The following ATP1A2 variants were observed in gnomAD, a reference collection of about 807,000 sequenced individuals.
The protein encoded by ATP1A2 is ATPase Na+/K+ transporting subunit alpha 2.
A neutral mutation model predicts 113.1 loss-of-function variants in ATP1A2; 56 were observed. The observed-to-expected ratio is 0.49, with a 90% CI of 0.40 to 0.62. ATP1A2 has a LOEUF of 0.62. ATP1A2 is among the 20% of genes least tolerant of loss of function. The probability of loss-of-function intolerance (pLI) is 0.00; values close to 1 mark genes in which losing one functional copy is unlikely to be tolerated. For missense variants in ATP1A2, 712 were observed against 1,357.8 expected, an observed-to-expected ratio of 0.52 and a Z score of 7.47; for synonymous variants, 490 against 526.8, an observed-to-expected ratio of 0.93 and a Z score of 0.96.
rs1424311044 is a variant in ATP1A2 at position 160,142,057 on chromosome 1, CAA to C, written c.*737_*738del. On this transcript the variant is annotated 3_prime_UTR_variant, in exon 23 of 23. Coordinates refer to ENST00000361216, the MANE Select transcript of ATP1A2 (RefSeq NM_000702.4). ...ATTTTAGAATACCCCACCAGCAGAA[CAA>C]ACTCAGATCTCATCAGGGTAGCAGC... 6.5e-6 allele frequency: 1 copy of C among 153,694 alleles called. No homozygotes were observed. The highest frequency in any genetic ancestry group is 1.4e-5 in the Non-Finnish European group (1 of 69,068). 9.5% of individuals were successfully genotyped at this position (153,694 alleles called of 1,614,324 possible). A position where few individuals can be genotyped will look rare whatever the true frequency, so the allele number is the denominator to read the frequency against.
intron 1 of ATP1A2, among the ~76,000 whole-genome samples, chr1:160,117,971 G>C (rs769232182): frequency 5.9e-5 from 9 of 151,960 alleles, no homozygotes; most frequent in Non-Finnish European, 1.2e-4. Flanking sequence ...AGGTTGGGGG[G>C]GTCCTTGCTT....
chr1:160,120,440 C>T (rs1570982600), intron 1 of ATP1A2, among the ~76,000 whole-genome samples: 1 of 152,242 alleles, frequency 6.6e-6, no homozygotes, highest in East Asian at 1.9e-4. Context: ...GTATTTCTAC[C>T]CCTCTCTAAG....
At position 160,123,281 on chromosome 1, in the gene ATP1A2, C is replaced by G. The variant is rs537472446; in HGVS notation, c.246C>G (p.Pro82=). The change falls in exon 4 of 23, where the codon CCC becomes CCG. Residue 82 remains proline (P), a synonymous_variant. Coordinates refer to ENST00000361216, the MANE Select transcript of ATP1A2 (RefSeq NM_000702.4). ...RDGPNALTPP[P]TTPEWVKFCR... ...GGCCCAACGCCCTCACACCACCTCC[C>G]ACAACCCCTGAGTGGGTCAAGTTCT... The G allele has an allele frequency of 4.4e-4, 708 of 1,614,254 alleles. 11 individuals carry two copies. The South Asian group carries it at 7.4e-3, about 17-fold the overall frequency.
rs1346145108 is a variant in ATP1A2, at chr1:160,129,252, G to A, written c.1327-14G>A. On this transcript the variant is annotated splice_polypyrimidine_tract_variant and intron_variant, in intron 10 of 22. Coordinates refer to ENST00000361216, the MANE Select transcript of ATP1A2 (RefSeq NM_000702.4). ...CCTCCCATGCTGACACTGAATTCTTGTCTCTTCTGGCAGCGGGACACAGCT... is the reference window on the plus strand; with the variant it reads ...CCTCCCATGCTGACACTGAATTCTTATCTCTTCTGGCAGCGGGACACAGCT... 1.2e-6 allele frequency: 2 copies of A among 1,614,110 alleles called. No individual in the cohort carries two copies. Among genetic ancestry groups the A allele is most frequent in the East Asian group, 2.2e-5 (1 of 44,876 alleles).
In ATP1A2 at chr1:160,143,572, A is replaced by G. The variant is rs112598437; in HGVS notation, c.*2250A>G. ...ATGTACTTGAAAATAATAAAGTGGC[A>G]TTTCTTTATGAAAAAAAAAGAAATC... On this transcript the variant is annotated 3_prime_UTR_variant, in exon 23 of 23. Coordinates refer to ENST00000361216, the MANE Select transcript of ATP1A2 (RefSeq NM_000702.4). The G allele has an allele frequency of 6.6e-6, 1 of 152,434 alleles. No individual in the cohort carries two copies. 9.4% of individuals were successfully genotyped at this position (152,434 alleles called of 1,614,324 possible).
chr1:160,125,019 T>C (rs2101986630), intron 6 of ATP1A2, 117 bp from the exon 7 acceptor site: 1 of 828,532 alleles, frequency 1.2e-6, no homozygotes, highest in African/African-American at 1.7e-5. Context: ...TGAGGGCAAG[T>C]GTGACTTTGT....
intron 11 of ATP1A2, among the ~76,000 whole-genome samples, chr1:160,129,729 T>C (rs1278757356): frequency 6.6e-6 from 1 of 152,180 alleles, no homozygotes; most frequent in Non-Finnish European, 1.5e-5. Flanking sequence ...CCCCTTAGCC[T>C]TTAGGCACCT....
chr1:160,124,712 G>A (rs181583016), intron 6 of ATP1A2, among the ~76,000 whole-genome samples: 10 of 152,276 alleles, frequency 6.6e-5, no homozygotes, highest in Non-Finnish European at 1.3e-4. Context: ...ATATATGTTC[G>A]ATGTGCTATC....
Position 160,130,340 on chromosome 1 carries a change from C to A in ATP1A2, c.1651+49C>A, listed in dbSNP as rs57074721. 8 of 1,613,800 alleles carry A rather than the reference C, an allele frequency of 5.0e-6. No homozygotes were observed. In the African/African-American group the frequency reaches 9.3e-5, roughly 19 times the overall value. ...TCAGAAGGGGATTCCCAAGCCTCTG[C>A]GGCATCCCTGGGGTGGGGGACTGTG... On this transcript the variant is annotated intron_variant, in intron 12 of 22. Coordinates refer to ENST00000361216, the MANE Select transcript of ATP1A2 (RefSeq NM_000702.4).
chr1:160,117,895 T>G (rs1432916054), intron 1 of ATP1A2, among the ~76,000 whole-genome samples: 3 of 151,172 alleles, frequency 2.0e-5, no homozygotes, highest in African/African-American at 7.3e-5. Context: ...AAGGACTCTC[T>G]GTTCTCCTTC....
At chr1:160,138,419 T>C (rs548437934) in intron 20 of ATP1A2, among the ~76,000 whole-genome samples, 1 of 152,370 alleles carries the variant, frequency 6.6e-6, no homozygotes, top group South Asian at 2.1e-4. Flanking sequence ...CAATACTTAT[T>C]CACAAATGTA....
At position 160,129,008 on chromosome 1, in the gene ATP1A2, G is replaced by A. The variant is rs756285165; in HGVS notation, c.1245G>A (p.Thr415=). ...CCACTTTTGACAAACGATCCCCTACGTGGACGGCCCTGTCTCGAATTGCTG... is the reference window on the plus strand; with the variant it reads ...CCACTTTTGACAAACGATCCCCTACATGGACGGCCCTGTCTCGAATTGCTG... The part of the protein sequence containing the change: ...SGATFDKRSP[T]WTALSRIAGL... The change falls in exon 10 of 23, where the codon ACG becomes ACA. Residue 415 remains threonine, a synonymous_variant. Transcript: ENST00000361216. The A allele has an allele frequency of 6.8e-6, 11 of 1,609,276 alleles. No homozygotes were observed. Among genetic ancestry groups the A allele is most frequent in the Middle Eastern group, 1.6e-4 (1 of 6,078 alleles).
chr1:160,140,926 G>A (rs774053515), intron 22 of ATP1A2, among the ~76,000 whole-genome samples: 7 of 133,434 alleles, frequency 5.2e-5, no homozygotes, highest in South Asian at 2.5e-4. Context: ...GCAGTGGCAC[G>A]ATCTCGGCTC....
Position 160,128,781 on chromosome 1 carries a change from C to T in ATP1A2, c.1147C>T (p.Arg383Cys). ...CAAGACGGGCACCCTCACCCAGAAC[C>T]GCATGACCGTCGCCCACATGTGGTT... The part of the protein sequence containing the change: ...SDKTGTLTQN[R>C]MTVAHMWFDN... Residue 383 changes from arginine (R) to cysteine (C), a missense_variant, in exon 9 of 23, where the codon CGC becomes TGC. Arg to Cys is a radical substitution (Grantham distance 180). Around this residue, in one of 6 missense-constraint regions of ATP1A2, gnomAD observed 44 missense variants for 153.1 expected, o/e 0.29. Coordinates refer to ENST00000361216, the MANE Select transcript of ATP1A2 (RefSeq NM_000702.4). 3.1e-6 allele frequency: 5 copies of T among 1,614,192 alleles called. No individual in the cohort carries two copies. Among genetic ancestry groups the T allele is most frequent in the Admixed American group, 1.7e-5 (1 of 60,032 alleles).
At chr1:160,128,959 T>C in intron 9 of ATP1A2, 21 bp from the exon 10 acceptor site, 1 of 1,595,942 alleles carries the variant, frequency 6.3e-7, no homozygotes, top group Non-Finnish European at 8.5e-7. Flanking sequence ...ACGCTCCTGG[T>C]TCCCCCTCAT....
At chr1:160,121,645 A>G (rs527722971) in intron 3 of ATP1A2, among the ~76,000 whole-genome samples, 3 of 152,358 alleles carry the variant, frequency 2.0e-5, no homozygotes, top group East Asian at 1.9e-4. Flanking sequence ...CCCCTGCTAC[A>G]TATGTGACAT....
chr1:160,117,085 C>T (rs1651208948), intron 1 of ATP1A2, among the ~76,000 whole-genome samples: 2 of 152,096 alleles, frequency 1.3e-5, no homozygotes, highest in South Asian at 4.1e-4. Flanking sequence ...AGCCTTCAAG[C>T]CTGCACAAGC....
Position 160,129,017 on chromosome 1 carries a change from C to T in ATP1A2, c.1254C>T (p.Ala418=). Residue 418 remains alanine, a synonymous_variant, in exon 10 of 23, where the codon GCC becomes GCT. Transcript: ENST00000361216. ...ACAAACGATCCCCTACGTGGACGGC[C>T]CTGTCTCGAATTGCTGGTCTCTGCA... The part of the protein sequence containing the change: ...TFDKRSPTWT[A]LSRIAGLCNR... 3 of 1,610,608 alleles carry T rather than the reference C, an allele frequency of 1.9e-6. No individual in the cohort carries two copies. Among genetic ancestry groups the T allele is most frequent in the East Asian group, 4.5e-5 (2 of 44,740 alleles).
chr1:160,126,748 G>C (rs1317860130), intron 7 of ATP1A2, among the ~76,000 whole-genome samples: 1 of 152,122 alleles, frequency 6.6e-6, no homozygotes, highest in African/African-American at 2.4e-5. Context: ...TGGGATTACA[G>C]GCATGAGCCA....
Sources: gnomAD v4.1 joint callset for allele counts (sites outside exome capture counted in the v4.1 genomes callset) on GRCh38, gnomAD v4.1.1 for gene constraint, gnomAD v4.1.1 regional missense constraint, MANE v1.5 for transcripts, NCBI Gene and HGNC (gene_info 2026-07-23, HGNC 2026-07-21) for gene names.